Variants in FKBP8 observed in about 807,000 individuals in gnomAD.
FKBP8 encodes FKBP prolyl isomerase 8.
In FKBP8, 5 loss-of-function variants were observed where a neutral mutation model predicts 41.7. The observed-to-expected ratio is 0.12, with a 90% CI of 0.06 to 0.25. The LOEUF is 0.25. Ranked by LOEUF, FKBP8 falls within the 10% of genes least tolerant of loss-of-function variation. The pLI is 1.00. For missense variants in FKBP8, 397 were observed against 563.0 expected, an observed-to-expected ratio of 0.71 and a Z score of 2.98; for synonymous variants, 279 against 254.5, an observed-to-expected ratio of 1.10 and a Z score of -0.92.
rs943092611 is a variant in FKBP8 at position 18,537,001 on chromosome 19, T to C, written c.945+600A>G. Among the ~76,000 whole-genome samples, 1 of 152,114 alleles carries C rather than the reference T, an allele frequency of 6.6e-6. No homozygotes were observed. The highest frequency in any genetic ancestry group is 6.6e-5 in the Admixed American group (1 of 15,266). On this transcript the variant is annotated intron_variant, in intron 6 of 8. Coordinates refer to ENST00000608443, the MANE Select transcript of FKBP8 (RefSeq NM_012181.5). This position sits in a 1 kb window ranked among gnomAD's most constrained non-coding sequence, Gnocchi z 4.4. ...CTGTGACTAGGATTCCACTTTACTC[T>C]GAGGAAAACTGGGACCCATGGAGGT...
intron 1 of FKBP8, chr19:18,542,238 A>T: frequency 2.2e-6 from 1 of 461,382 alleles, no homozygotes; most frequent in Non-Finnish European, 3.8e-6. Context: ...ATTATTATTT[A>T]ATGTTTACAA....
Position 18,531,824 on chromosome 19 carries a change from C to T in FKBP8, c.*345G>A, listed in dbSNP as rs938725450. 3.2e-5 allele frequency: 4 copies of T among 126,878 alleles called. No individual in the cohort carries two copies. The highest frequency in any genetic ancestry group is 1.3e-4 in the Admixed American group (1 of 7,500). 7.9% of individuals were successfully genotyped at this position (126,878 alleles called of 1,614,324 possible). The stretch of plus-strand genomic sequence containing the variant: ...GGGAACCTGGACAGGGGGCGGCAGG[C>T]GGGGTGGGGGGCTGGCACTCAGGCG... On this transcript the variant is annotated 3_prime_UTR_variant, in exon 9 of 9. Transcript: ENST00000608443.
chr19:18,533,227 C>T (rs1277787567), intron 7 of FKBP8, 43 bp downstream of exon 7: 1 of 1,511,014 alleles, frequency 6.6e-7, no homozygotes, highest in Admixed American at 2.1e-5. Context: ...GCAGGAGGGA[C>T]TTCCCAGCCG....
chr19:18,534,612 T>C (rs1351073680), intron 6 of FKBP8, among the ~76,000 whole-genome samples: 1 of 151,894 alleles, frequency 6.6e-6, no homozygotes, highest in African/African-American at 2.4e-5. Flanking sequence ...GACAGGGTCT[T>C]GATCGGTCAC....
intron 1 of FKBP8, chr19:18,543,078 C>T (rs1258003457): frequency 7.0e-6 from 2 of 285,430 alleles, no homozygotes; most frequent in Non-Finnish European, 1.4e-5. Flanking sequence ...TCCCCAGACG[C>T]CCCCCCCTTT....
chr19:18,541,541 T>A (rs1408907669), intron 2 of FKBP8, 138 bp downstream of exon 2: 1 of 1,208,514 alleles, frequency 8.3e-7, no homozygotes, highest in African/African-American at 1.5e-5. Context: ...ATGTGAAGCA[T>A]CTCCAGTAGT....
intron 1 of FKBP8, chr19:18,542,517 C>G (rs1004897402): frequency 3.3e-5 from 6 of 180,012 alleles, no homozygotes; most frequent in African/African-American, 1.2e-4. Flanking sequence ...TTTACCAGGG[C>G]CTCCCACCTC....
chr19:18,539,830 G>A (rs1440651416), intron 2 of FKBP8, 110 bp from the exon 3 acceptor site: 2 of 1,337,828 alleles, frequency 1.5e-6, no homozygotes, highest in African/African-American at 2.9e-5. Context: ...GTCCAGAGGG[G>A]GCTGGCCCAA....
rs1235917459 is a variant in FKBP8, at chr19:18,542,937, C to T, written c.-26+549G>A. On this transcript the variant is annotated intron_variant, in intron 1 of 8. Coordinates refer to ENST00000608443, the MANE Select transcript of FKBP8 (RefSeq NM_012181.5). ...GCCCCACTTTGAGAGACCCTCCCAG[C>T]CCCCACCCCCATAATTCCCCGCGCC... The T allele has an allele frequency of 6.3e-6, 7 of 1,116,000 alleles. No homozygotes were observed. The African/African-American group carries it at 1.0e-4, about 16-fold the overall frequency. The allele number at this position is 1,116,000 out of a possible 1,614,324, so 69.1% of individuals were successfully genotyped here. A position where few individuals can be genotyped will look rare whatever the true frequency, so the allele number is the denominator to read the frequency against.
chr19:18,535,167 G>A (rs1392524929), intron 6 of FKBP8, among the ~76,000 whole-genome samples: 1 of 152,086 alleles, frequency 6.6e-6, no homozygotes, highest in African/African-American at 2.4e-5. Flanking sequence ...CAATCCACCT[G>A]CCTCGGTCTC....
chr19:18,539,086 T>C (rs1009515691), intron 4 of FKBP8, among the ~76,000 whole-genome samples: 2 of 151,940 alleles, frequency 1.3e-5, no homozygotes, highest in Non-Finnish European at 2.9e-5. Flanking sequence ...AGTGCTGGGA[T>C]TACAGGCGTA....
At position 18,542,956 on chromosome 19, in the gene FKBP8, C is replaced by G. The variant is rs570462724; in HGVS notation, c.-26+530G>C. ...TCCCAGCCCCCACCCCCATAATTCCCCGCGCCCGCACAATTCGGCCTCCCC... is the reference window on the plus strand; with the variant it reads ...TCCCAGCCCCCACCCCCATAATTCCGCGCGCCCGCACAATTCGGCCTCCCC... On this transcript the variant is annotated intron_variant, in intron 1 of 8. Transcript: ENST00000608443. 287 of 1,230,088 alleles carry G rather than the reference C, an allele frequency of 2.3e-4. 2 individuals carry two copies. In the African/African-American group the frequency reaches 4.3e-3, roughly 18 times the overall value. 76.2% of individuals were successfully genotyped at this position (1,230,088 alleles called of 1,614,324 possible).
rs1333429807 is a variant in FKBP8 at position 18,532,688 on chromosome 19, A to G, written c.1131T>C (p.Ala377=). 1 of 1,614,022 alleles carries G rather than the reference A, an allele frequency of 6.2e-7. No individual in the cohort carries two copies. Among genetic ancestry groups the G allele is most frequent in the Non-Finnish European group, 8.5e-7 (1 of 1,180,030 alleles). The change falls in exon 8 of 9, where the codon GCT becomes GCC. Residue 377 remains alanine, a synonymous_variant. Coordinates refer to ENST00000608443, the MANE Select transcript of FKBP8 (RefSeq NM_012181.5). ...KMLGNPSRLP[A]KCPGKGAWSI... ...CCCAGGCACCCTTGCCAGGGCACTTAGCAGGCAGCCGGCTGGGGTTGCCCA... is the reference window on the plus strand; with the variant it reads ...CCCAGGCACCCTTGCCAGGGCACTTGGCAGGCAGCCGGCTGGGGTTGCCCA...
chr19:18,540,173 G>A (rs1048397162), intron 2 of FKBP8, among the ~76,000 whole-genome samples: 2 of 152,124 alleles, frequency 1.3e-5, no homozygotes, highest in African/African-American at 4.8e-5. Context: ...ACAGCCCTCA[G>A]GCTGAAATCC....
chr19:18,532,334 C>A, intron 8 of FKBP8, 79 bp from the exon 9 acceptor site: 1 of 1,293,938 alleles, frequency 7.7e-7, no homozygotes, highest in Middle Eastern at 1.8e-4. Context: ...CAGCACAGCC[C>A]AAACAGACCT....
chr19:18,538,596 C>T lies in FKBP8; in HGVS notation c.552-160G>A, dbSNP rs62135137. Among the ~76,000 whole-genome samples, 17 of 152,238 alleles carry T rather than the reference C, an allele frequency of 1.1e-4. No individual in the cohort carries two copies. Among genetic ancestry groups the T allele is most frequent in the Admixed American group, 2.0e-4 (3 of 15,268 alleles). Reference sequence around the variant, plus strand: ...GTAAAGTGCAGGGGAAGTGACTTGCCGCCTTGGAGCTGCGGGACTTGACGA... The same window carrying T: ...GTAAAGTGCAGGGGAAGTGACTTGCTGCCTTGGAGCTGCGGGACTTGACGA... On this transcript the variant is annotated intron_variant, in intron 4 of 8. Transcript: ENST00000608443. The surrounding 1 kb of genome is among the most constrained non-coding windows in gnomAD (Gnocchi z 4.0).
intron 1 of FKBP8, chr19:18,542,309 G>C: frequency 3.6e-6 from 1 of 276,892 alleles, no homozygotes; most frequent in Non-Finnish European, 6.9e-6. Context: ...ACAGGCCAGA[G>C]GGGCAAAGGC....
At position 18,533,992 on chromosome 19, in the gene FKBP8, G is replaced by C. The variant is rs55920861; in HGVS notation, c.946-645C>G. Among the ~76,000 whole-genome samples the C allele has an allele frequency of 7.4e-3, 962 of 129,298 alleles. 11 individuals carry two copies. Among genetic ancestry groups the C allele is most frequent in the African/African-American group, 0.027 (907 of 33,250 alleles). The allele number at this position is 129,298 out of a possible 152,430, so 84.8% of individuals were successfully genotyped here. On this transcript the variant is annotated intron_variant, in intron 6 of 8. Coordinates refer to ENST00000608443, the MANE Select transcript of FKBP8 (RefSeq NM_012181.5). ...CCACTGCACTCCAGCCTGGGCGACA[G>C]AGTGAGACTCCATCTCAAAAAAAAA...
intron 8 of FKBP8, 111 bp downstream of exon 8, chr19:18,532,553 T>C: frequency 6.8e-7 from 1 of 1,474,424 alleles, no homozygotes. Context: ...CCACGTCCCC[T>C]GCATCGCCCA....
Sources: allele counts gnomAD v4.1 joint callset (sites outside exome capture counted in the v4.1 genomes callset), GRCh38; gene constraint gnomAD v4.1.1; non-coding constraint Gnocchi (gnomAD v3.1); transcripts MANE v1.5; gene names NCBI Gene and HGNC (gene_info 2026-07-23, HGNC 2026-07-21).